The following HS3ST4 variants were observed in gnomAD, a reference collection of about 807,000 sequenced individuals.
The protein encoded by HS3ST4 is heparan sulfate-glucosamine 3-sulfotransferase 4.
A neutral mutation model predicts 29.2 loss-of-function variants in HS3ST4; 17 were observed. The ratio of observed to expected loss-of-function variants is 0.58; its 90% CI spans 0.40 to 0.87. HS3ST4 has a LOEUF of 0.87. Ranked by LOEUF, HS3ST4 falls within the 40% of genes least tolerant of loss-of-function variation. HS3ST4 has a pLI of 0.00. For missense variants in HS3ST4, 627 were observed against 634.5 expected, an observed-to-expected ratio of 0.99 and a Z score of 0.13; for synonymous variants, 314 against 285.7, an observed-to-expected ratio of 1.10 and a Z score of -1.00.
At chr16:25,902,366 C>T (rs1408296071) in intron 1 of HS3ST4, among the ~76,000 whole-genome samples, 2 of 152,028 alleles carry the variant, frequency 1.3e-5, no homozygotes, top group Non-Finnish European at 2.9e-5. Context: ...TGTGGTGGTG[C>T]ACATCTGTGG....
At chr16:25,731,570 G>T (rs918150650) in intron 1 of HS3ST4, among the ~76,000 whole-genome samples, 1 of 152,056 alleles carries the variant, frequency 6.6e-6, no homozygotes, top group Non-Finnish European at 1.5e-5. Context: ...TGAGCTCCTG[G>T]ACTCAAGTGA....
At chr16:25,833,943 C>A (rs1967332170) in intron 1 of HS3ST4, among the ~76,000 whole-genome samples, 1 of 152,064 alleles carries the variant, frequency 6.6e-6, no homozygotes, top group African/African-American at 2.4e-5. Flanking sequence ...TCATAACAAA[C>A]TTGGCAATGT....
chr16:25,895,358 G>A lies in HS3ST4; in HGVS notation c.734+202207G>A, dbSNP rs116027212. On this transcript the variant is annotated intron_variant, in intron 1 of 1. Transcript: ENST00000331351. Reference sequence around the variant, plus strand: ...AGGTCTGGGGACGACATATGAGGACGATGGAGAATGATTGAATGTTTTGGT... The same window carrying A: ...AGGTCTGGGGACGACATATGAGGACAATGGAGAATGATTGAATGTTTTGGT... Among the ~76,000 whole-genome samples, 904 of 152,304 alleles carry A rather than the reference G, an allele frequency of 5.9e-3. 10 individuals are homozygous for A. Among genetic ancestry groups the A allele is most frequent in the African/African-American group, 0.021 (873 of 41,550 alleles).
At chr16:25,853,981 T>C (rs1009336722) in intron 1 of HS3ST4, among the ~76,000 whole-genome samples, 1 of 152,192 alleles carries the variant, frequency 6.6e-6, no homozygotes, top group Non-Finnish European at 1.5e-5. Context: ...AGCTAACTTA[T>C]CATTGTTGAG....
chr16:25,978,352 T>G (rs1288011381), intron 1 of HS3ST4, among the ~76,000 whole-genome samples: 4 of 152,270 alleles, frequency 2.6e-5, no homozygotes, highest in Admixed American at 2.6e-4. Flanking sequence ...CATTTTAGTC[T>G]TGGCAGGCCC....
chr16:25,845,301 G>A (rs1338607311), intron 1 of HS3ST4, among the ~76,000 whole-genome samples: 1 of 152,166 alleles, frequency 6.6e-6, no homozygotes, highest in African/African-American at 2.4e-5. Flanking sequence ...CTGAGGTCAG[G>A]AGTTTAAGAC....
At chr16:26,035,297 G>A (rs766591620) in intron 1 of HS3ST4, among the ~76,000 whole-genome samples, 6 of 152,050 alleles carry the variant, frequency 3.9e-5, no homozygotes, top group Non-Finnish European at 8.8e-5. Flanking sequence ...TATTTTGTAC[G>A]TTTTTGACTT....
chr16:25,700,942 AT>A (rs556917099), intron 1 of HS3ST4, among the ~76,000 whole-genome samples: 111 of 152,196 alleles, frequency 7.3e-4, no homozygotes, highest in Admixed American at 2.4e-3. Flanking sequence ...ATTAGACAAT[AT>A]TTTTTTCAGT....
chr16:25,991,106 C>T (rs189348284), intron 1 of HS3ST4, among the ~76,000 whole-genome samples: 5 of 148,914 alleles, frequency 3.4e-5, no homozygotes, highest in Non-Finnish European at 4.4e-5. Flanking sequence ...ATTGATACAC[C>T]GGCCTCACCA....
intron 1 of HS3ST4, among the ~76,000 whole-genome samples, chr16:25,699,716 A>G (rs1966322095): frequency 1.3e-5 from 2 of 152,226 alleles, no homozygotes; most frequent in South Asian, 4.1e-4. Flanking sequence ...AGAAAGAGGA[A>G]GCTGTGGAAT....
chr16:26,006,021 G>A (rs188997976), intron 1 of HS3ST4, among the ~76,000 whole-genome samples: 90 of 152,202 alleles, frequency 5.9e-4, no homozygotes, highest in South Asian at 1.7e-3. Context: ...TCAAGTGGCC[G>A]GGCATGGTGG....
chr16:25,748,129 C>T (rs1379171833), intron 1 of HS3ST4, among the ~76,000 whole-genome samples: 5 of 152,112 alleles, frequency 3.3e-5, no homozygotes, highest in African/African-American at 4.8e-5. Flanking sequence ...AGGTCCATCT[C>T]GATGTCTGCA....
chr16:25,925,030 G>T (rs1350115563), intron 1 of HS3ST4, among the ~76,000 whole-genome samples: 2 of 152,062 alleles, frequency 1.3e-5, no homozygotes, highest in Non-Finnish European at 2.9e-5. Context: ...GTAGAGTAAA[G>T]TGGATTCAGC....
chr16:25,887,767 G>T (rs911680787), intron 1 of HS3ST4, among the ~76,000 whole-genome samples: 1 of 141,602 alleles, frequency 7.1e-6, no homozygotes, highest in East Asian at 2.1e-4. Flanking sequence ...GTGCTATCTC[G>T]GCTCACTGCC....
chr16:25,887,296 A>T (rs150701321), intron 1 of HS3ST4, among the ~76,000 whole-genome samples: 5 of 152,268 alleles, frequency 3.3e-5, no homozygotes, highest in Non-Finnish European at 7.4e-5. Context: ...TTGAGGAAGT[A>T]GGAAGGTGGC....
intron 1 of HS3ST4, among the ~76,000 whole-genome samples, chr16:25,918,967 C>T (rs1017824253): frequency 3.9e-5 from 6 of 152,190 alleles, no homozygotes; most frequent in Non-Finnish European, 8.8e-5. Context: ...TTTGTGTTAA[C>T]AAATCTTTCC....
intron 1 of HS3ST4, among the ~76,000 whole-genome samples, chr16:25,775,275 G>T (rs1325854221): frequency 6.6e-6 from 1 of 152,180 alleles, no homozygotes. Flanking sequence ...TTGTTGGCAT[G>T]TGTCTGCAGG....
intron 1 of HS3ST4, among the ~76,000 whole-genome samples, chr16:25,751,560 G>A (rs1966720225): frequency 1.3e-5 from 2 of 152,102 alleles, no homozygotes; most frequent in South Asian, 4.1e-4. Context: ...ATCTGTGTTT[G>A]GAGTCCCCTT....
At chr16:25,910,363 G>A (rs977560002) in intron 1 of HS3ST4, among the ~76,000 whole-genome samples, 10 of 152,102 alleles carry the variant, frequency 6.6e-5, no homozygotes, top group African/African-American at 2.2e-4. Flanking sequence ...AGAGTCAGCC[G>A]GGCACGGTAG....
Sources: gnomAD v4.1 joint callset for allele counts (sites outside exome capture counted in the v4.1 genomes callset) on GRCh38, gnomAD v4.1.1 for gene constraint, MANE v1.5 for transcripts, NCBI Gene and HGNC (gene_info 2026-07-23, HGNC 2026-07-21) for gene names.